Variants in HDAC10 observed in about 807,000 individuals in gnomAD.
HDAC10 encodes the protein polyamine deacetylase HDAC10.
Under a neutral mutation model 82.3 loss-of-function variants are expected in HDAC10, and 90 were observed. That is an observed-to-expected ratio of 1.09 (90% CI 0.92 to 1.30). The LOEUF (loss-of-function observed/expected upper bound fraction) is 1.30. Ranked by LOEUF, HDAC10 falls within the 50% of genes most tolerant of loss-of-function variation. HDAC10 has a pLI of 0.00. For synonymous variants in HDAC10, 456 were observed against 391.7 expected, an observed-to-expected ratio of 1.16 and a Z score of -1.94; for missense variants, 934 against 876.3, an observed-to-expected ratio of 1.07 and a Z score of -0.83.
chr22:50,246,710 G>C lies in HDAC10; in HGVS notation c.1540C>G (p.Leu514Val). The part of the protein sequence containing the change: ...QRLLCVALGQ[L>V]DRPPDLAHDG... ...TGGGCGAGGTCTGGAGGCCGGTCCAGCTGTCCCAGGGCCACGCACAGCAGC... is the reference window on the plus strand; with the variant it reads ...TGGGCGAGGTCTGGAGGCCGGTCCACCTGTCCCAGGGCCACGCACAGCAGC... Residue 514 changes from leucine (L) to valine (V), a missense_variant, in exon 16 of 20, where the codon CTG becomes GTG. Coordinates refer to ENST00000216271, the MANE Select transcript of HDAC10 (RefSeq NM_032019.6). 4 of 1,612,076 alleles carry C rather than the reference G, an allele frequency of 2.5e-6. No individual in the cohort carries two copies. The highest frequency in any genetic ancestry group is 2.2e-5 in the East Asian group (1 of 44,896).
Position 50,249,955 on chromosome 22 carries a change from C to T in HDAC10, c.399G>A (p.Gly133=). Residue 133 remains glycine, a synonymous_variant, in exon 5 of 20, where the codon GGG becomes GGA. Coordinates refer to ENST00000216271, the MANE Select transcript of HDAC10 (RefSeq NM_032019.6). This position sits in a 1 kb window ranked among gnomAD's most constrained non-coding sequence, Gnocchi z 4.4. Reference sequence around the variant, plus strand: ...TGGCAGCCGCCCTCTGGCCATGGTGCCCGGGAGGCCTACGGCGTGAGAGTA... The same window carrying T: ...TGGCAGCCGCCCTCTGGCCATGGTGTCCGGGAGGCCTACGGCGTGAGAGTA... The part of the protein sequence containing the change: ...QNGLALVRPP[G]HHGQRAAANG... 1 of 1,612,640 alleles carries T rather than the reference C, an allele frequency of 6.2e-7. No individual in the cohort carries two copies. The highest frequency in any genetic ancestry group is 8.5e-7 in the Non-Finnish European group (1 of 1,179,778).
rs746103274 is a variant in HDAC10, at chr22:50,250,909, G to GGGCAGA, written c.60-10_60-5dup. ...ACGCTCGATCTCGCACTCGGGGCTG[G>GGGCAGA]GGCAGATGAGGAGCTCAGTTCAGAG... is the stretch of plus-strand genomic sequence containing the variant. On this transcript the variant is annotated splice_polypyrimidine_tract_variant and splice_region_variant and intron_variant, in intron 1 of 19. Transcript: ENST00000216271. 1.1e-5 allele frequency: 17 copies of GGGCAGA among 1,603,986 alleles called. No homozygotes were observed. Among genetic ancestry groups the GGGCAGA allele is most frequent in the Non-Finnish European group, 6.8e-6 (8 of 1,175,376 alleles).
At position 50,245,697 on chromosome 22, in the gene HDAC10, T is replaced by C; in HGVS notation, c.1964A>G (p.Glu655Gly). Residue 655 changes from glutamate to glycine, a missense_variant, in exon 19 of 20, where the codon GAG becomes GGG. Transcript: ENST00000216271. ...CACCTGCAACATCTTCCACTGAGGC[T>C]CCAGCTGCCCTCTCAGGTACATCAG... ...QALMYLRGQL[E>G]PQWKMLQCHP... 3.1e-6 allele frequency: 5 copies of C among 1,613,082 alleles called. No individual in the cohort carries two copies. The highest frequency in any genetic ancestry group is 1.1e-5 in the South Asian group (1 of 91,068).
In HDAC10 at chr22:50,251,051, C is replaced by G; in HGVS notation, c.-19G>C. 6.2e-7 allele frequency: 1 copy of G among 1,605,462 alleles called. No homozygotes were observed. Among genetic ancestry groups the G allele is most frequent in the South Asian group, 1.1e-5 (1 of 90,480 alleles). Reference sequence around the variant, plus strand: ...TCCCCATGGCTGCGCCGTGGTCACCCTGGGTTCCCAAACGCCCTCGCTAGT... The same window carrying G: ...TCCCCATGGCTGCGCCGTGGTCACCGTGGGTTCCCAAACGCCCTCGCTAGT... On this transcript the variant is annotated 5_prime_UTR_variant, in exon 1 of 20. Transcript: ENST00000216271.
Position 50,247,900 on chromosome 22 carries a change from C to A in HDAC10, c.1327G>T (p.Ala443Ser). 2 of 1,612,670 alleles carry A rather than the reference C, an allele frequency of 1.2e-6. No homozygotes were observed. The highest frequency in any genetic ancestry group is 1.1e-5 in the South Asian group (1 of 91,066). Reference protein sequence around the residue: ...EASALREETEAWARPHESLAR... With the variant: ...EASALREETESWARPHESLAR... ...GCCAGCCCTGCCCACCTGGCCCAGG[C>A]TTCTGTCTCCTCCCTCAGGGCTGAC... Residue 443 changes from alanine to serine, a missense_variant, in exon 13 of 20, where the codon GCC becomes TCC. Ala to Ser is a moderately conservative substitution (Grantham distance 99, BLOSUM62 1). Transcript: ENST00000216271.
At chr22:50,245,601 C>T in intron 19 of HDAC10, 71 bp from the exon 20 acceptor site, 1 of 1,591,648 alleles carries the variant, frequency 6.3e-7, no homozygotes, top group Non-Finnish European at 8.6e-7. Context: ...CACTCCCCTG[C>T]CCTGCCCTCC....
Position 50,249,758 on chromosome 22 carries a change from C to A in HDAC10, c.495-55G>T, listed in dbSNP as rs534169280. 3.1e-6 allele frequency: 5 copies of A among 1,609,202 alleles called. No homozygotes were observed. The highest frequency in any genetic ancestry group is 2.2e-5 in the East Asian group (1 of 44,732). ...GGCAGGGCCTCCCACCTCCAGGAGC[C>A]CGGCCAGGGATGGGAAGGTGCTGGC... On this transcript the variant is annotated intron_variant, in intron 5 of 19. Transcript: ENST00000216271. The surrounding 1 kb of genome is among the most constrained non-coding windows in gnomAD (Gnocchi z 4.4).
At chr22:50,247,016 CCAGGTAAA>C (rs777488155) in intron 14 of HDAC10, 50 bp from the exon 15 acceptor site, 723 of 1,217,000 alleles carry the variant, frequency 5.9e-4, no homozygotes, top group Non-Finnish European at 7.7e-4. Context: ...AACTCCCAAG[CCAGGTAAA>C]CAGATCCACA....
At chr22:50,247,645 C>T in intron 14 of HDAC10, 47 bp downstream of exon 14, 1 of 1,419,628 alleles carries the variant, frequency 7.0e-7, no homozygotes, top group Non-Finnish European at 9.7e-7. Flanking sequence ...GTCCTGGTCC[C>T]TGCCCCTAGG....
intron 14 of HDAC10, chr22:50,247,170 C>T (rs889737629): frequency 2.0e-4 from 91 of 456,914 alleles, no homozygotes; most frequent in Non-Finnish European, 2.5e-4. Flanking sequence ...GGCAGGGTCT[C>T]GTTCTGTAGC....
intron 2 of HDAC10, 63 bp from the exon 3 acceptor site, chr22:50,250,586 G>A (rs1285106410): frequency 5.4e-5 from 75 of 1,399,010 alleles, no homozygotes; most frequent in East Asian, 1.8e-4. Context: ...GGCGGGAGGC[G>A]GGGACCTGGG....
intron 14 of HDAC10, 186 bp from the exon 15 acceptor site, chr22:50,247,152 T>TC (rs927375527): frequency 2.6e-5 from 13 of 496,116 alleles, no homozygotes; most frequent in African/African-American, 2.6e-4. Context: ...TTTTTTTTTT[T>TC]TTAGAGAGGC....
chr22:50,250,839 G>T lies in HDAC10; in HGVS notation c.126C>A (p.Gly42=), dbSNP rs754260579. 1.2e-6 allele frequency: 2 copies of T among 1,602,036 alleles called. No individual in the cohort carries two copies. The highest frequency in any genetic ancestry group is 2.7e-5 in the African/African-American group (2 of 74,648). The change falls in exon 2 of 20, where the codon GGC becomes GGA. Residue 42 remains glycine, a synonymous_variant. Transcript: ENST00000216271. The part of the protein sequence containing the change: ...TAALDRLRQR[G]LEQRCLRLSA... ...ACAACCGCAGACACCTCTGTTCCAGGCCGCGCTGCCGCAGGCGATCCAGGG... is the reference window on the plus strand; with the variant it reads ...ACAACCGCAGACACCTCTGTTCCAGTCCGCGCTGCCGCAGGCGATCCAGGG...
rs777265108 is a variant in HDAC10, at chr22:50,246,391, G to A, written c.1572-15C>T. On this transcript the variant is annotated splice_polypyrimidine_tract_variant and intron_variant, in intron 16 of 19. Transcript: ENST00000216271. Reference sequence around the variant, plus strand: ...ACAGACTCCTCCTTCCAGGACACAGGTGCATAAGTGTAAGGCCCTGCTCAC... The same window carrying A: ...ACAGACTCCTCCTTCCAGGACACAGATGCATAAGTGTAAGGCCCTGCTCAC... The A allele has an allele frequency of 5.6e-6, 9 of 1,605,358 alleles. No individual in the cohort carries two copies. The highest frequency in any genetic ancestry group is 4.0e-5 in the African/African-American group (3 of 74,926).
intron 16 of HDAC10, 111 bp from the exon 17 acceptor site, chr22:50,246,487 C>G: frequency 9.3e-7 from 1 of 1,076,230 alleles, no homozygotes. Flanking sequence ...GGTGCTGTGA[C>G]TGCTGAGCCT....
Position 50,251,213 on chromosome 22 carries a change from G to C in HDAC10, c.-181C>G, listed in dbSNP as rs2065083824. Reference sequence around the variant, plus strand: ...CTAGGCAGGCTCCGGGATCCCAGGCGCGCAGAAGGCACGGAGCGAGGCTGC... The same window carrying C: ...CTAGGCAGGCTCCGGGATCCCAGGCCCGCAGAAGGCACGGAGCGAGGCTGC... On this transcript the variant is annotated 5_prime_UTR_variant, in exon 1 of 20. Coordinates refer to ENST00000216271, the MANE Select transcript of HDAC10 (RefSeq NM_032019.6). The C allele has an allele frequency of 1.7e-6, 1 of 594,804 alleles. No homozygotes were observed. The highest frequency in any genetic ancestry group is 1.9e-5 in the African/African-American group (1 of 51,538). The allele number at this position is 594,804 out of a possible 1,614,324, so 36.8% of individuals were successfully genotyped here.
intron 3 of HDAC10, 77 bp from the exon 4 acceptor site, chr22:50,250,237 G>T: frequency 1.4e-6 from 2 of 1,407,246 alleles, no homozygotes; most frequent in Non-Finnish European, 2.0e-6. Context: ...CTTGTGCCAG[G>T]CTGCAAGACA....
At position 50,248,314 on chromosome 22, in the gene HDAC10, C is replaced by A. The variant is rs375914044; in HGVS notation, c.1014-22G>T. On this transcript the variant is annotated intron_variant, in intron 11 of 19. Transcript: ENST00000216271. The surrounding 1 kb of genome is among the most constrained non-coding windows in gnomAD (Gnocchi z 5.4). ...GGCACTGTGAGGGAGACACAACAGTCGTGACACCTGGTCTCACACCCCGGC... is the reference window on the plus strand; with the variant it reads ...GGCACTGTGAGGGAGACACAACAGTAGTGACACCTGGTCTCACACCCCGGC... 5 of 1,612,054 alleles carry A rather than the reference C, an allele frequency of 3.1e-6. No homozygotes were observed. The highest frequency in any genetic ancestry group is 4.2e-6 in the Non-Finnish European group (5 of 1,179,766).
chr22:50,247,213 A>G (rs2064975295), intron 14 of HDAC10: 2 of 419,676 alleles, frequency 4.8e-6, no homozygotes, highest in South Asian at 4.0e-5. Context: ...ATTGTAGCTC[A>G]CCACAGCCTC....
Sources: gnomAD v4.1 joint callset for allele counts on GRCh38, gnomAD v4.1.1 for gene constraint, Gnocchi (gnomAD v3.1) non-coding constraint, MANE v1.5 for transcripts, NCBI Gene and HGNC (gene_info 2026-07-23, HGNC 2026-07-21) for gene names.